The following SSH2 variants were observed in gnomAD, a reference collection of about 807,000 sequenced individuals.
The protein encoded by SSH2 is slingshot protein phosphatase 2.
In SSH2, 37 loss-of-function variants were observed where a neutral mutation model predicts 135.2. The observed-to-expected ratio is 0.27, with a 90% confidence interval of 0.21 to 0.36. The LOEUF (loss-of-function observed/expected upper bound fraction) is 0.36, where lower values mean the gene tolerates loss of function less well. Ranked by LOEUF, SSH2 falls within the 10% of genes least tolerant of loss-of-function variation. The pLI is 1.00. For missense variants in SSH2, 1,408 were observed against 1,765.3 expected, an observed-to-expected ratio of 0.80 and a Z score of 3.63; for synonymous variants, 628 against 646.2, an observed-to-expected ratio of 0.97 and a Z score of 0.43.
In SSH2 at chr17:29,702,870, T is replaced by G. The variant is rs547132864; in HGVS notation, c.292+89A>C. 214 of 1,057,106 alleles carry G rather than the reference T, an allele frequency of 2.0e-4. No individual in the cohort carries two copies. The African/African-American group carries it at 3.0e-3, about 15-fold the overall frequency. The allele number at this position is 1,057,106 out of a possible 1,614,324, so 65.5% of individuals were successfully genotyped here. A position where few individuals can be genotyped will look rare whatever the true frequency, so the allele number is the denominator to read the frequency against. Reference sequence around the variant, plus strand: ...CTTTCTTTCACCATTAAAGAACTTCTGAAGAGATGGGGATGAGGTAGTCAA... The same window carrying G: ...CTTTCTTTCACCATTAAAGAACTTCGGAAGAGATGGGGATGAGGTAGTCAA... On this transcript the variant is annotated intron_variant, in intron 4 of 15. Coordinates refer to ENST00000540801, the MANE Select transcript of SSH2 (RefSeq NM_001282129.2).
chr17:29,838,439 G>A (rs2042982691), intron 2 of SSH2, among the ~76,000 whole-genome samples: 1 of 152,232 alleles, frequency 6.6e-6, no homozygotes, highest in Admixed American at 6.5e-5. Flanking sequence ...CCACCTGCAA[G>A]CCACGAAGGA....
chr17:29,746,790 C>T (rs2040779788), intron 3 of SSH2, among the ~76,000 whole-genome samples: 1 of 152,100 alleles, frequency 6.6e-6, no homozygotes, highest in African/African-American at 2.4e-5. Context: ...TGGAGACTAA[C>T]TGGTTTTTAT....
intron 3 of SSH2, among the ~76,000 whole-genome samples, chr17:29,787,154 T>TC (rs1335782623): frequency 1.3e-5 from 2 of 152,092 alleles, no homozygotes; most frequent in African/African-American, 4.8e-5. Context: ...ACTCCATCCA[T>TC]CCCCCAGTCA....
intron 2 of SSH2, among the ~76,000 whole-genome samples, chr17:29,834,688 A>G (rs2042914758): frequency 6.6e-6 from 1 of 152,138 alleles, no homozygotes; most frequent in Admixed American, 6.5e-5. Context: ...ATTCTCCTAC[A>G]TGATCTTCCT....
At chr17:29,857,686 A>G (rs1372722874) in intron 1 of SSH2, among the ~76,000 whole-genome samples, 2 of 152,092 alleles carry the variant, frequency 1.3e-5, no homozygotes, top group East Asian at 1.9e-4. Context: ...GGGTCTCACT[A>G]TGTTTCCCAG....
chr17:29,926,135 T>A (rs2067059909), intron 1 of SSH2, among the ~76,000 whole-genome samples: 1 of 152,128 alleles, frequency 6.6e-6, no homozygotes, highest in Admixed American at 6.6e-5. Flanking sequence ...AAATCCCAGT[T>A]TGGGCATTTA....
chr17:29,786,853 G>C (rs1417122437), intron 3 of SSH2, among the ~76,000 whole-genome samples: 2 of 151,988 alleles, frequency 1.3e-5, no homozygotes, highest in Non-Finnish European at 2.9e-5. Context: ...TACTTGGGAG[G>C]CTCAAGTGGG....
chr17:29,896,877 A>G lies in SSH2; in HGVS notation c.63+33061T>C, dbSNP rs1350262294. On this transcript the variant is annotated intron_variant, in intron 1 of 15. Transcript: ENST00000540801. ...AAATGAGATTAACAGTTCTTCACTG[A>G]CATCTATTTATTACCTATTTATCAT... Among the ~76,000 whole-genome samples the G allele has an allele frequency of 2.0e-5, 3 of 152,002 alleles. No individual in the cohort carries two copies. The East Asian group carries it at 5.8e-4, about 29-fold the overall frequency.
chr17:29,828,062 T>C (rs2042777077), intron 2 of SSH2, among the ~76,000 whole-genome samples: 1 of 152,150 alleles, frequency 6.6e-6, no homozygotes, highest in Non-Finnish European at 1.5e-5. Context: ...AAGGCAGCCA[T>C]GGAGGTAGAG....
intron 2 of SSH2, among the ~76,000 whole-genome samples, chr17:29,829,047 G>A (rs2042792758): frequency 6.6e-6 from 1 of 152,146 alleles, no homozygotes; most frequent in Admixed American, 6.5e-5. Context: ...GTGTAGGCTA[G>A]ACAAGTCCAC....
intron 14 of SSH2, among the ~76,000 whole-genome samples, chr17:29,639,114 T>TG (rs1224570528): frequency 1.3e-5 from 2 of 152,044 alleles, no homozygotes; most frequent in Non-Finnish European, 2.9e-5. Flanking sequence ...GAAGAATCTC[T>TG]GGGTAAAAAT....
At chr17:29,760,945 C>A (rs989680629) in intron 3 of SSH2, among the ~76,000 whole-genome samples, 2 of 152,090 alleles carry the variant, frequency 1.3e-5, no homozygotes, top group Admixed American at 6.5e-5. Flanking sequence ...TCCACCCCCA[C>A]CCCGGGACAC....
chr17:29,798,066 G>T (rs950532535), intron 2 of SSH2, among the ~76,000 whole-genome samples: 1 of 152,058 alleles, frequency 6.6e-6, no homozygotes, highest in African/African-American at 2.4e-5. Context: ...TCAACAATGC[G>T]TGAGAGTTAT....
intron 3 of SSH2, among the ~76,000 whole-genome samples, chr17:29,762,773 T>C (rs558126907): frequency 4.6e-5 from 7 of 152,328 alleles, no homozygotes; most frequent in Admixed American, 1.3e-4. Flanking sequence ...AGGCATTCAA[T>C]AGAAGTTAGC....
At position 29,636,110 on chromosome 17, in the gene SSH2, C is replaced by T. The variant is rs2035903313; in HGVS notation, c.2120G>A (p.Gly707Asp). ...TCGACAGCTCTCATTCCTTCCTCCACCCAGTTCCTCCATCCTTGAATGGGA... is the reference window on the plus strand; with the variant it reads ...TCGACAGCTCTCATTCCTTCCTCCATCCAGTTCCTCCATCCTTGAATGGGA... ...SFSHSRMEEL[G>D]GGRNESCRLS... is the part of the protein sequence containing the mutation. Residue 707 changes from glycine to aspartate, a missense_variant, in exon 15 of 16, where the codon GGT becomes GAT. Gly to Asp is a moderately conservative substitution (Grantham distance 94). Around this residue, in one of 3 missense-constraint regions of SSH2, gnomAD observed 1,080 missense variants for 1,144.5 expected, o/e 0.94. Coordinates refer to ENST00000540801, the MANE Select transcript of SSH2 (RefSeq NM_001282129.2). 6.2e-7 allele frequency: 1 copy of T among 1,614,210 alleles called. No individual in the cohort carries two copies. The highest frequency in any genetic ancestry group is 1.7e-5 in the Admixed American group (1 of 60,030).
intron 6 of SSH2, among the ~76,000 whole-genome samples, chr17:29,680,969 C>T (rs2037956877): frequency 6.6e-6 from 1 of 151,894 alleles, no homozygotes; most frequent in South Asian, 2.1e-4. Flanking sequence ...TTTTGGTTAA[C>T]CTTTGGACAA....
chr17:29,709,013 T>TAGAG (rs779414759), intron 3 of SSH2, among the ~76,000 whole-genome samples: 64 of 88,154 alleles, frequency 7.3e-4, no homozygotes, highest in African/African-American at 1.4e-3. Context: ...TATATATATA[T>TAGAG]ATAGAGAGAG....
intron 2 of SSH2, among the ~76,000 whole-genome samples, chr17:29,806,354 T>A (rs1241390898): frequency 6.6e-6 from 1 of 152,226 alleles, no homozygotes; most frequent in Non-Finnish European, 1.5e-5. Flanking sequence ...CACAGCCAAG[T>A]CAGGATTCTG....
chr17:29,913,347 A>AAAAAAAAAATTAT, intron 1 of SSH2, among the ~76,000 whole-genome samples: 3 of 28,778 alleles, frequency 1.0e-4, no homozygotes, highest in African/African-American at 1.2e-4. Context: ...AAAAAAAAAA[A>AAAAAAAAAATTAT]ATATATATAT....
Sources: allele counts gnomAD v4.1 joint callset (sites outside exome capture counted in the v4.1 genomes callset), GRCh38; gene constraint gnomAD v4.1.1; regional missense constraint gnomAD v4.1.1; transcripts MANE v1.5; gene names NCBI Gene and HGNC (gene_info 2026-07-23, HGNC 2026-07-21).